Variants in PLCH1 observed in about 807,000 individuals in gnomAD.
PLCH1 encodes phospholipase C eta 1, also known as 1-phosphatidylinositol 4,5-bisphosphate phosphodiesterase eta-1.
PLCH1 carries 60 observed loss-of-function variants against 126.7 expected under a neutral mutation model. The observed-to-expected ratio is 0.47, with a 90% CI of 0.38 to 0.59. The LOEUF is 0.59. Ranked by LOEUF, PLCH1 falls within the 20% of genes least tolerant of loss-of-function variation. PLCH1 has a pLI of 0.00. For synonymous variants in PLCH1, 719 were observed against 734.9 expected (o/e 0.98, Z 0.35); for missense variants, 1,723 against 2,040.0 (o/e 0.84, Z 2.99).
intron 21 of PLCH1, among the ~76,000 whole-genome samples, chr3:155,461,849 T>C (rs986490711): frequency 6.6e-6 from 1 of 152,182 alleles, no homozygotes; most frequent in African/African-American, 2.4e-5. Flanking sequence ...AATCCAATGC[T>C]TGCATGATGA....
chr3:155,629,560 T>C (rs1559868176), intron 2 of PLCH1, among the ~76,000 whole-genome samples: 1 of 152,236 alleles, frequency 6.6e-6, no homozygotes, highest in Non-Finnish European at 1.5e-5. Context: ...AAACCAAAGA[T>C]TCATGATTGT....
intron 2 of PLCH1, among the ~76,000 whole-genome samples, chr3:155,666,344 T>C (rs181985909): frequency 3.3e-5 from 5 of 152,326 alleles, no homozygotes; most frequent in Admixed American, 3.3e-4. Context: ...GGCAAAAACA[T>C]ATATATCTAT....
rs1746488588 is a variant in PLCH1, at chr3:155,704,220, C to A, written c.5G>T (p.Ser2Ile). 8.2e-7 allele frequency: 1 copy of A among 1,225,192 alleles called. No individual in the cohort carries two copies. Among genetic ancestry groups the A allele is most frequent in the African/African-American group, 1.6e-5 (1 of 64,254 alleles). The allele number at this position is 1,225,192 out of a possible 1,614,324, so 75.9% of individuals were successfully genotyped here. A position where few individuals can be genotyped will look rare whatever the true frequency, so the allele number is the denominator to read the frequency against. Residue 2 changes from serine to isoleucine, a missense_variant, in exon 2 of 23, where the codon AGT (serine) becomes ATT (isoleucine). Ser to Ile is a moderately radical substitution (Grantham distance 142, BLOSUM62 -2). This residue lies in a region of PLCH1 where 776 missense variants were observed against 1,062.9 expected (regional missense o/e 0.73). Transcript: ENST00000460012. The part of the protein sequence containing the change: M[S>I]YWNLEKRNCV... Reference sequence around the variant, plus strand: ...GTTCCTTTTTTCCAAGTTCCAGTAACTCATTGTCAGAAGATTTCTGGCACA... The same window carrying A: ...GTTCCTTTTTTCCAAGTTCCAGTAAATCATTGTCAGAAGATTTCTGGCACA...
chr3:155,700,947 C>T (rs1480101957), intron 2 of PLCH1, among the ~76,000 whole-genome samples: 1 of 152,050 alleles, frequency 6.6e-6, no homozygotes, highest in Non-Finnish European at 1.5e-5. Flanking sequence ...GGGGAAGATC[C>T]CAGAGATTAG....
intron 21 of PLCH1, among the ~76,000 whole-genome samples, chr3:155,460,458 A>C (rs9850280): frequency 0.33 from 50,870 of 151,952 alleles, 10,713 homozygotes; most frequent in African/African-American, 0.59. Flanking sequence ...TCCAATAGAT[A>C]TAAGGACCCA....
At chr3:155,612,708 C>T (rs1347529750) in intron 2 of PLCH1, among the ~76,000 whole-genome samples, 5 of 151,916 alleles carry the variant, frequency 3.3e-5, no homozygotes, top group African/African-American at 9.6e-5. Context: ...GTTGGGAGTT[C>T]GAGATCAGTG....
chr3:155,689,374 A>G (rs1349064615), intron 2 of PLCH1, among the ~76,000 whole-genome samples: 1 of 152,132 alleles, frequency 6.6e-6, no homozygotes, highest in Non-Finnish European at 1.5e-5. Flanking sequence ...CCAAACACCA[A>G]AGAACATCTA....
At position 155,596,332 on chromosome 3, in the gene PLCH1, C is replaced by T; in HGVS notation, c.126G>A (p.Lys42=). The T allele has an allele frequency of 6.2e-7, 1 of 1,613,702 alleles. No homozygotes were observed. The highest frequency in any genetic ancestry group is 1.1e-5 in the South Asian group (1 of 91,012). The part of the protein sequence containing the change: ...SVMQSGTQMI[K]LKRGTKGLVR... ...CAAGCCCTTTGGTTCCACGTTTCAG[C>T]TTGATCATCTGTGTCCCGGACTGCA... Residue 42 remains lysine, a synonymous_variant, in exon 3 of 23, where the codon AAG becomes AAA. Coordinates refer to ENST00000460012, the MANE Select transcript of PLCH1 (RefSeq NM_014996.4).
intron 1 of PLCH1, among the ~76,000 whole-genome samples, chr3:155,729,798 C>A (rs1156606446): frequency 6.6e-6 from 1 of 151,842 alleles, no homozygotes; most frequent in Non-Finnish European, 1.5e-5. Context: ...AGGTGGTGCA[C>A]ACCTTGTAGT....
intron 1 of PLCH1, among the ~76,000 whole-genome samples, chr3:155,720,638 T>C (rs542955656): frequency 2.6e-5 from 4 of 152,238 alleles, no homozygotes; most frequent in East Asian, 3.8e-4. Flanking sequence ...GTCAGAGATA[T>C]AGATTGTGAA....
rs765871202 is a variant in PLCH1 at position 155,481,343 on chromosome 3, C to G, written c.4683G>C (p.Gln1561His). 1 of 1,614,250 alleles carries G rather than the reference C, an allele frequency of 6.2e-7. No individual in the cohort carries two copies. Among genetic ancestry groups the G allele is most frequent in the South Asian group, 1.1e-5 (1 of 91,084 alleles). The part of the protein sequence containing the change: ...QVLYSKQDAN[Q>H]LPRALVRKLS... ...ACTTCCTGACCAGTGCCCGGGGGAG[C>G]TGATTGGCATCCTGCTTTGAATATA... The change falls in exon 23 of 23, where the codon CAG (glutamine) becomes CAC (histidine). Residue 1561 changes from glutamine (Q) to histidine (H), a missense_variant. By Grantham distance (24) the Gln-to-His change is conservative. This residue lies in a region of PLCH1 where 947 missense variants were observed against 977.1 expected (regional missense o/e 0.97). Transcript: ENST00000460012. The surrounding 1 kb of genome is among the most constrained non-coding windows in gnomAD (Gnocchi z 4.2).
In PLCH1 at chr3:155,481,976, G is replaced by A; in HGVS notation, c.4050C>T (p.Ser1350=). ...CTGATTCTCCATCAATTTCCACAAG[G>A]CTGCTCTCCCCAGAATTGAAACAGA... is the stretch of plus-strand genomic sequence containing the variant. ...PTLCFNSGES[S]LVEIDGESEN... is the part of the protein sequence containing the mutation. The change falls in exon 23 of 23, where the codon AGC becomes AGT. Residue 1350 remains serine (S), a synonymous_variant. Transcript: ENST00000460012. The surrounding 1 kb of genome is among the most constrained non-coding windows in gnomAD (Gnocchi z 4.2). 1 of 1,614,088 alleles carries A rather than the reference G, an allele frequency of 6.2e-7. No homozygotes were observed. The highest frequency in any genetic ancestry group is 8.5e-7 in the Non-Finnish European group (1 of 1,180,012).
chr3:155,529,304 G>A (rs551668469), intron 10 of PLCH1, among the ~76,000 whole-genome samples: 4 of 152,240 alleles, frequency 2.6e-5, no homozygotes, highest in South Asian at 4.1e-4. Flanking sequence ...AAACAACTCC[G>A]CGATTCACAT....
intron 1 of PLCH1, among the ~76,000 whole-genome samples, chr3:155,735,644 A>C (rs1749126440): frequency 6.6e-6 from 1 of 152,048 alleles, no homozygotes; most frequent in Non-Finnish European, 1.5e-5. Flanking sequence ...AAAAAAAAAA[A>C]AAAAACTGAT....
intron 2 of PLCH1, among the ~76,000 whole-genome samples, chr3:155,599,665 T>C (rs1219900041): frequency 6.6e-6 from 1 of 152,200 alleles, no homozygotes; most frequent in East Asian, 1.9e-4. Context: ...CCGAGTTAAC[T>C]ATATTATCAG....
chr3:155,482,539 T>C lies in PLCH1; in HGVS notation c.3487A>G (p.Ile1163Val), dbSNP rs756569829. The C allele has an allele frequency of 3.1e-6, 5 of 1,614,044 alleles. No homozygotes were observed. The highest frequency in any genetic ancestry group is 1.7e-5 in the Admixed American group (1 of 60,004). The change falls in exon 23 of 23, where the codon ATT becomes GTT. Residue 1163 changes from isoleucine (I) to valine (V), a missense_variant. By Grantham distance (29) the Ile-to-Val change is conservative. Coordinates refer to ENST00000460012, the MANE Select transcript of PLCH1 (RefSeq NM_014996.4). ...TGGGAAATTACACTCTCCTGCAGAA[T>C]TGCAGTTGAATGTAGGTCAGGTATG... Reference protein sequence around the residue: ...SDIPDLHSTAILQESVISHLI... With the variant: ...SDIPDLHSTAVLQESVISHLI...
At chr3:155,654,179 G>A (rs544008253) in intron 2 of PLCH1, among the ~76,000 whole-genome samples, 15 of 151,512 alleles carry the variant, frequency 9.9e-5, no homozygotes, top group African/African-American at 3.6e-4. Flanking sequence ...CCCTCCCATG[G>A]CTCCTGGGAC....
At chr3:155,471,189 G>A (rs573499463) in intron 21 of PLCH1, among the ~76,000 whole-genome samples, 48 of 152,198 alleles carry the variant, frequency 3.2e-4, no homozygotes, top group African/African-American at 9.2e-4. Flanking sequence ...CCCATCTCAC[G>A]TGCAGACACA....
intron 21 of PLCH1, among the ~76,000 whole-genome samples, chr3:155,471,475 A>T (rs1385593084): frequency 3.1e-4 from 46 of 146,750 alleles, no homozygotes; most frequent in Non-Finnish European, 5.7e-4. Context: ...CACATTAATA[A>T]TGGGAGACTT....
Sources: allele counts gnomAD v4.1 joint callset (sites outside exome capture counted in the v4.1 genomes callset), GRCh38; gene constraint gnomAD v4.1.1; regional missense constraint gnomAD v4.1.1; non-coding constraint Gnocchi (gnomAD v3.1); transcripts MANE v1.5; gene names NCBI Gene and HGNC (gene_info 2026-07-23, HGNC 2026-07-21).